Variants in ZFHX3 observed in about 807,000 individuals in gnomAD.
The protein encoded by ZFHX3 is zinc finger homeobox protein 3.
A neutral mutation model predicts 279.1 loss-of-function variants in ZFHX3; 42 were observed. The ratio of observed to expected loss-of-function variants is 0.15; its 90% CI spans 0.12 to 0.19. The LOEUF is 0.19. Among genes scored for constraint, ZFHX3 ranks in the 10% least tolerant of loss-of-function variants. ZFHX3 has a pLI of 1.00. For synonymous variants in ZFHX3, 2,293 were observed against 1,957.8 expected, an observed-to-expected ratio of 1.17 and a Z score of -4.52; for missense variants, 4,981 against 4,754.0, an observed-to-expected ratio of 1.05 and a Z score of -1.40.
chr16:73,126,412 A>T (rs1180916723), intron 7 of ZFHX3, among the ~76,000 whole-genome samples: 1 of 152,148 alleles, frequency 6.6e-6, no homozygotes, highest in Non-Finnish European at 1.5e-5. Flanking sequence ...GGGGAAGCAC[A>T]ACAGGACTTG....
intron 2 of ZFHX3, among the ~76,000 whole-genome samples, chr16:73,559,434 A>G (rs1283033064): frequency 6.6e-6 from 1 of 152,188 alleles, no homozygotes; most frequent in Non-Finnish European, 1.5e-5. Flanking sequence ...TAGCTGTGCA[A>G]CACTGGGCTT....
At chr16:72,840,472 G>A (rs1038001329) in intron 4 of ZFHX3, among the ~76,000 whole-genome samples, 4 of 152,118 alleles carry the variant, frequency 2.6e-5, no homozygotes. Flanking sequence ...AATACCAATG[G>A]GAATGACGGA....
intron 2 of ZFHX3, among the ~76,000 whole-genome samples, chr16:73,646,072 A>T (rs530291583): frequency 6.6e-6 from 1 of 152,362 alleles, no homozygotes; most frequent in South Asian, 2.1e-4. Flanking sequence ...TAAAAATGTG[A>T]CCATATACAT....
At chr16:73,886,806 T>C (rs1477082276) in intron 1 of ZFHX3, among the ~76,000 whole-genome samples, 1 of 152,224 alleles carries the variant, frequency 6.6e-6, no homozygotes, top group Non-Finnish European at 1.5e-5. Context: ...AAACATGTTT[T>C]CTATCACTGT....
chr16:73,874,606 T>A (rs2029894277), intron 1 of ZFHX3, among the ~76,000 whole-genome samples: 1 of 152,184 alleles, frequency 6.6e-6, no homozygotes, highest in African/African-American at 2.4e-5. Context: ...TCTCTATCAG[T>A]CTCAATAAAT....
At chr16:73,088,057 A>T (rs1488113479) in intron 8 of ZFHX3, among the ~76,000 whole-genome samples, 3 of 151,720 alleles carry the variant, frequency 2.0e-5, no homozygotes, top group African/African-American at 7.3e-5. Context: ...CGAACTCCTG[A>T]CCTCAGGTGA....
chr16:72,825,251 T>C (rs1405487775), intron 5 of ZFHX3, among the ~76,000 whole-genome samples: 1 of 152,222 alleles, frequency 6.6e-6, no homozygotes, highest in Admixed American at 6.5e-5. Context: ...TTACAAGACA[T>C]ATATCCATGG....
chr16:73,736,684 T>G (rs1486282599), intron 1 of ZFHX3, among the ~76,000 whole-genome samples: 1 of 152,172 alleles, frequency 6.6e-6, no homozygotes, highest in African/African-American at 2.4e-5. Context: ...CTTGCAAGGA[T>G]CACATCAGAT....
chr16:73,245,812 T>C (rs2013263931), intron 5 of ZFHX3, among the ~76,000 whole-genome samples: 1 of 152,022 alleles, frequency 6.6e-6, no homozygotes, highest in Non-Finnish European at 1.5e-5. Context: ...TTTAAACTCT[T>C]AGTAATTGAA....
intron 1 of ZFHX3, among the ~76,000 whole-genome samples, chr16:73,029,911 C>CA: frequency 6.6e-6 from 1 of 152,186 alleles, no homozygotes; most frequent in East Asian, 1.9e-4. Context: ...AAACAAATTC[C>CA]AAAAAAAGCA....
intron 5 of ZFHX3, among the ~76,000 whole-genome samples, chr16:73,153,726 T>G (rs2144848547): frequency 6.6e-6 from 1 of 152,222 alleles, no homozygotes; most frequent in Admixed American, 6.5e-5. Flanking sequence ...CTCGGTTCAC[T>G]GCAACCTCCA....
At chr16:73,196,289 G>A (rs1306281643) in intron 5 of ZFHX3, among the ~76,000 whole-genome samples, 1 of 152,006 alleles carries the variant, frequency 6.6e-6, no homozygotes, top group African/African-American at 2.4e-5. Flanking sequence ...CCTCCTTGGG[G>A]TGGTGGGGAG....
intron 1 of ZFHX3, among the ~76,000 whole-genome samples, chr16:73,010,024 GAAAAAAAAAAAAAAAAAAA>G (rs1963856383): frequency 1.2e-5 from 1 of 84,656 alleles, no homozygotes; most frequent in African/African-American, 4.0e-5. Flanking sequence ...CCCTCTCAAA[GAAAAAAAAAAAAAAAAAAA>G]CTCATAAAGG....
intron 4 of ZFHX3, among the ~76,000 whole-genome samples, chr16:72,888,136 G>A (rs2038676963): frequency 6.6e-6 from 1 of 152,160 alleles, no homozygotes; most frequent in Non-Finnish European, 1.5e-5. Context: ...CTGATCCCCT[G>A]GAAAAGGGGG....
intron 4 of ZFHX3, among the ~76,000 whole-genome samples, chr16:73,276,840 G>A (rs1401249684): frequency 2.6e-5 from 4 of 152,130 alleles, no homozygotes; most frequent in Admixed American, 6.5e-5. Context: ...GGATGTTTGC[G>A]GATGAGGCAA....
intron 1 of ZFHX3, among the ~76,000 whole-genome samples, chr16:73,716,395 G>C (rs943031503): frequency 2.6e-5 from 4 of 152,094 alleles, no homozygotes; most frequent in African/African-American, 9.7e-5. Flanking sequence ...GGAGTTTCTA[G>C]AAAAGCACCA....
chr16:73,869,011 A>G (rs1962100295), intron 1 of ZFHX3, among the ~76,000 whole-genome samples: 1 of 152,132 alleles, frequency 6.6e-6, no homozygotes, highest in Non-Finnish European at 1.5e-5. Flanking sequence ...TGTCCTGATC[A>G]ATTTAAACTA....
At chr16:72,872,901 C>T (rs28530505) in intron 4 of ZFHX3, among the ~76,000 whole-genome samples, 6,372 of 152,232 alleles carry the variant, frequency 0.042, 479 homozygotes, top group African/African-American at 0.14. Flanking sequence ...GCCCAAGATC[C>T]TCTCTTTAGG....
At chr16:73,612,283 A>G (rs1041897767) in intron 2 of ZFHX3, among the ~76,000 whole-genome samples, 2 of 152,156 alleles carry the variant, frequency 1.3e-5, no homozygotes, top group African/African-American at 4.8e-5. Flanking sequence ...AAGCTGCTCT[A>G]TTGCACTGAA....
Sources: gnomAD v4.1 joint callset for allele counts (sites outside exome capture counted in the v4.1 genomes callset) on GRCh38, gnomAD v4.1.1 for gene constraint, MANE v1.5 for transcripts, NCBI Gene and HGNC (gene_info 2026-07-23, HGNC 2026-07-21) for gene names.